The following ZNG1F variants were observed in gnomAD, a reference collection of about 807,000 sequenced individuals.
The protein encoded by ZNG1F is Zn regulated GTPase metalloprotein activator 1F.
the ZNG1F span, chr9:41,131,647 AC>A: frequency 1.1e-5 from 1 of 94,688 alleles, no homozygotes; most frequent in Non-Finnish European, 1.8e-5. Flanking sequence ...GGAATTCGTA[AC>A]TAAAGTAATA....
At chr9:41,155,301 T>G in the ZNG1F span, among the ~76,000 whole-genome samples, 1 of 150,300 alleles carries the variant, frequency 6.7e-6, no homozygotes, top group Admixed American at 6.7e-5. Flanking sequence ...AAAACCACAA[T>G]GAGATACTAT....
chr9:41,152,682 C>A, the ZNG1F span, among the ~76,000 whole-genome samples: 2 of 137,818 alleles, frequency 1.5e-5, no homozygotes, highest in African/African-American at 5.4e-5. Flanking sequence ...CAAACTAGAA[C>A]TCAGGATTAA....
the ZNG1F span, among the ~76,000 whole-genome samples, chr9:41,192,997 A>C: frequency 4.6e-5 from 7 of 151,878 alleles, no homozygotes; most frequent in Non-Finnish European, 8.8e-5. Context: ...GCCCCTAAGC[A>C]TCTGATAGGC....
the ZNG1F span, among the ~76,000 whole-genome samples, chr9:41,154,934 A>G: frequency 3.4e-5 from 5 of 148,168 alleles, no homozygotes; most frequent in African/African-American, 1.2e-4. Context: ...CATTCAGGAC[A>G]TAGGCATGGG....
At chr9:41,137,162 G>C in the ZNG1F span, among the ~76,000 whole-genome samples, 22 of 142,310 alleles carry the variant, frequency 1.5e-4, no homozygotes, top group Non-Finnish European at 2.8e-4. Flanking sequence ...TATCCCAGAG[G>C]TTGATAGGTT....
the ZNG1F span, chr9:41,146,132 T>C: frequency 6.8e-6 from 1 of 146,652 alleles, no homozygotes; most frequent in African/African-American, 2.5e-5. Context: ...GTAAGGAGAA[T>C]GTCAAATTAA....
At chr9:41,187,167 A>G in the ZNG1F span, among the ~76,000 whole-genome samples, 2 of 146,090 alleles carry the variant, frequency 1.4e-5, 1 homozygote, top group Non-Finnish European at 3.0e-5. Flanking sequence ...CATTCATTCA[A>G]AGGTTTCTAA....
the ZNG1F span, among the ~76,000 whole-genome samples, chr9:41,138,790 T>C: frequency 1.7e-4 from 18 of 105,792 alleles, no homozygotes; most frequent in Admixed American, 2.0e-4. Flanking sequence ...GCATTTTATA[T>C]TTCTATAAGT....
the ZNG1F span, among the ~76,000 whole-genome samples, chr9:41,149,874 A>G: frequency 1.3e-5 from 2 of 151,264 alleles, no homozygotes; most frequent in Non-Finnish European, 2.9e-5. Flanking sequence ...ATGCACAAGA[A>G]TAACTAATCT....
the ZNG1F span, among the ~76,000 whole-genome samples, chr9:41,138,830 T>G: frequency 3.9e-5 from 5 of 128,684 alleles, no homozygotes; most frequent in African/African-American, 1.6e-4. Flanking sequence ...GTTTTGATTG[T>G]TTTTTATTTA....
the ZNG1F span, among the ~76,000 whole-genome samples, chr9:41,150,235 A>C: frequency 6.8e-6 from 1 of 146,546 alleles, no homozygotes; most frequent in East Asian, 2.0e-4. Context: ...AGATTGGGTC[A>C]CTCCCACCCG....
the ZNG1F span, among the ~76,000 whole-genome samples, chr9:41,183,160 C>G: frequency 7.2e-6 from 1 of 139,234 alleles, no homozygotes; most frequent in Non-Finnish European, 1.5e-5. Context: ...CTAGTGATCA[C>G]TGTCCTTGGA....
the ZNG1F span, among the ~76,000 whole-genome samples, chr9:41,155,874 A>C: frequency 2.5e-5 from 3 of 120,890 alleles, no homozygotes; most frequent in Non-Finnish European, 3.6e-5. Flanking sequence ...GGGAGATATA[A>C]CTAATGCTAG....
At chr9:41,155,300 A>G in the ZNG1F span, among the ~76,000 whole-genome samples, 22 of 150,466 alleles carry the variant, frequency 1.5e-4, 1 homozygote, top group Admixed American at 6.7e-4. Flanking sequence ...CAAAACCACA[A>G]TGAGATACTA....
At chr9:41,165,053 T>G in the ZNG1F span, 22 of 1,580,604 alleles carry the variant, frequency 1.4e-5, no homozygotes, top group South Asian at 2.3e-4. Flanking sequence ...AAGTCTGTTT[T>G]ATTAATGAGA....
At chr9:41,184,057 A>G in the ZNG1F span, among the ~76,000 whole-genome samples, 2 of 151,082 alleles carry the variant, frequency 1.3e-5, no homozygotes, top group African/African-American at 4.9e-5. Flanking sequence ...TGCCTTATCT[A>G]TCTTTTTCTT....
the ZNG1F span, among the ~76,000 whole-genome samples, chr9:41,139,729 A>G: frequency 1.3e-5 from 2 of 151,828 alleles, no homozygotes; most frequent in East Asian, 3.9e-4. Flanking sequence ...AATGTCCAGG[A>G]CAGTTGAATG....
chr9:41,156,004 AT>A, the ZNG1F span, among the ~76,000 whole-genome samples: 23 of 113,212 alleles, frequency 2.0e-4, 2 homozygotes, highest in South Asian at 7.2e-4. Context: ...ATTTAAAAAA[AT>A]CTCAAGAAAA....
the ZNG1F span, among the ~76,000 whole-genome samples, chr9:41,152,461 A>G: frequency 2.1e-5 from 3 of 144,000 alleles, no homozygotes; most frequent in Non-Finnish European, 3.1e-5. Context: ...AAAGTCAACA[A>G]GGATACCCAG....
Sources: allele counts gnomAD v4.1 joint callset (sites outside exome capture counted in the v4.1 genomes callset), GRCh38; gene constraint gnomAD v4.1.1; transcripts MANE v1.5; gene names NCBI Gene and HGNC (gene_info 2026-07-23, HGNC 2026-07-21).